CERK: variants seen among roughly 807,000 people sequenced by gnomAD.
The protein encoded by CERK is ceramide kinase, also known as acylsphingosine kinase.
A neutral mutation model predicts 63.4 loss-of-function variants in CERK; 39 were observed. The observed-to-expected ratio is 0.61, with a 90% CI of 0.48 to 0.80. The LOEUF (loss-of-function observed/expected upper bound fraction) is 0.80. Ranked by LOEUF, CERK falls within the 30% of genes least tolerant of loss-of-function variation. The pLI is 0.00. For synonymous variants in CERK, 302 were observed against 280.0 expected (o/e 1.08, Z -0.78); for missense variants, 670 against 714.1 (o/e 0.94, Z 0.70).
chr22:46,692,836 C>T (rs567350663), intron 10 of CERK, among the ~76,000 whole-genome samples: 7 of 134,014 alleles, frequency 5.2e-5, no homozygotes, highest in East Asian at 2.4e-4. Flanking sequence ...ACTCGGGAGG[C>T]GGAGGTTGCA....
intron 1 of CERK, among the ~76,000 whole-genome samples, chr22:46,730,976 G>A (rs2082942563): frequency 2.0e-5 from 3 of 152,342 alleles, no homozygotes; most frequent in Admixed American, 1.3e-4. Context: ...AGAAAAAAAC[G>A]GGCCCAGCCC....
intron 1 of CERK, chr22:46,735,566 C>T (rs1401036623): frequency 1.3e-5 from 2 of 152,232 alleles, no homozygotes; most frequent in African/African-American, 4.8e-5. Flanking sequence ...AGGGCACACA[C>T]AGTGGCCTTG....
chr22:46,713,294 G>C (rs2082850797), intron 3 of CERK, among the ~76,000 whole-genome samples: 1 of 151,434 alleles, frequency 6.6e-6, no homozygotes, highest in African/African-American at 2.4e-5. Flanking sequence ...CACGAGGTCA[G>C]GAGATCGGGA....
chr22:46,711,186 C>T, intron 4 of CERK, 37 bp from the exon 5 acceptor site: 1 of 1,485,566 alleles, frequency 6.7e-7, no homozygotes. Context: ...TTTATATTCA[C>T]ATCTGTGAGT....
chr22:46,734,065 T>TAC (rs754732157), intron 1 of CERK, among the ~76,000 whole-genome samples: 11 of 94,212 alleles, frequency 1.2e-4, no homozygotes, highest in African/African-American at 1.8e-4. Flanking sequence ...TATACATACA[T>TAC]ACATATATAT....
chr22:46,687,103 T>C lies in CERK; in HGVS notation c.*31A>G. The C allele has an allele frequency of 6.3e-7, 1 of 1,588,354 alleles. No homozygotes were observed. The highest frequency in any genetic ancestry group is 8.6e-7 in the Non-Finnish European group (1 of 1,156,568). On this transcript the variant is annotated 3_prime_UTR_variant, in exon 13 of 13. Coordinates refer to ENST00000216264, the MANE Select transcript of CERK (RefSeq NM_022766.6). ...TAATTATCTTAAATAGTTTTCACACTTTCCCAGTTTGTGAGCAGGACGCCG... is the reference window on the plus strand; with the variant it reads ...TAATTATCTTAAATAGTTTTCACACCTTCCCAGTTTGTGAGCAGGACGCCG...
intron 1 of CERK, among the ~76,000 whole-genome samples, chr22:46,722,557 T>C (rs1438835887): frequency 1.6e-5 from 1 of 63,300 alleles, no homozygotes. Flanking sequence ...GCCTCCCATC[T>C]TTTTTTTTTT....
intron 6 of CERK, 67 bp from the exon 7 acceptor site, chr22:46,701,777 A>C (rs1188315449): frequency 6.9e-6 from 8 of 1,157,008 alleles, no homozygotes; most frequent in Non-Finnish European, 1.0e-5. Context: ...CTCCCAATTC[A>C]GTGAGTGGTA....
intron 12 of CERK, among the ~76,000 whole-genome samples, chr22:46,689,578 T>A (rs533789749): frequency 1.3e-5 from 2 of 152,260 alleles, no homozygotes; most frequent in Admixed American, 1.3e-4. Context: ...TTCACCATGT[T>A]GGCGAGGCTG....
chr22:46,702,183 A>T (rs2082788497), intron 6 of CERK, among the ~76,000 whole-genome samples: 1 of 149,456 alleles, frequency 6.7e-6, no homozygotes, highest in Non-Finnish European at 1.5e-5. Context: ...GTCTCAAAAA[A>T]AAAAAAAAAA....
intron 1 of CERK, among the ~76,000 whole-genome samples, chr22:46,736,547 G>A (rs916275566): frequency 1.3e-5 from 2 of 152,232 alleles, no homozygotes; most frequent in African/African-American, 4.8e-5. Flanking sequence ...GAAGCCTAGG[G>A]ATTTACAACA....
At chr22:46,721,479 C>A (rs2082892415) in intron 1 of CERK, among the ~76,000 whole-genome samples, 1 of 151,922 alleles carries the variant, frequency 6.6e-6, no homozygotes. Context: ...TTTAAACTCA[C>A]AAATAAATAA....
chr22:46,702,611 G>C (rs1601715111), intron 6 of CERK, among the ~76,000 whole-genome samples: 1 of 152,210 alleles, frequency 6.6e-6, no homozygotes, highest in African/African-American at 2.4e-5. Context: ...TGAAACAGCT[G>C]GATGCGGCAA....
At chr22:46,703,338 C>T (rs1330044112) in intron 6 of CERK, among the ~76,000 whole-genome samples, 1 of 152,118 alleles carries the variant, frequency 6.6e-6, no homozygotes, top group African/African-American at 2.4e-5. Flanking sequence ...ACCCCAACCC[C>T]CACCTGCCCC....
rs2082703570 is a variant in CERK at position 46,686,773 on chromosome 22, T to C, written c.*361A>G. ...GACCCACTGCTACCTCAGGCCCAGA[T>C]GGTGTGACCTGCGTGGAAATCATAT... On this transcript the variant is annotated 3_prime_UTR_variant, in exon 13 of 13. Transcript: ENST00000216264. 1 of 214,316 alleles carries C rather than the reference T, an allele frequency of 4.7e-6. No individual in the cohort carries two copies. The allele number at this position is 214,316 out of a possible 1,614,324, so 13.3% of individuals were successfully genotyped here.
rs137906850 is a variant in CERK at position 46,722,477 on chromosome 22, C to G, written c.143-1462G>C. 1.7e-3 allele frequency among the ~76,000 whole-genome samples: 261 copies of G among 151,754 alleles called. 3 individuals are homozygous for G. In the East Asian group the frequency reaches 0.029, roughly 17 times the overall value. On this transcript the variant is annotated intron_variant, in intron 1 of 12. Transcript: ENST00000216264. ...CTCAGGAGGTGTCTGTGTGCATCCT[C>G]CTCCTGGGTATAGGATGTGGGGTCC...
chr22:46,706,666 A>G (rs1272514762), intron 6 of CERK, among the ~76,000 whole-genome samples: 1 of 152,206 alleles, frequency 6.6e-6, no homozygotes, highest in Non-Finnish European at 1.5e-5. Flanking sequence ...GCCAAAGGGA[A>G]GGGATCGTAA....
intron 1 of CERK, among the ~76,000 whole-genome samples, chr22:46,735,904 G>A (rs1002353541): frequency 2.0e-5 from 3 of 152,224 alleles, no homozygotes; most frequent in Non-Finnish European, 4.4e-5. Flanking sequence ...CAGTGTGGCT[G>A]TATTCCTGAA....
chr22:46,695,334 G>T lies in CERK; in HGVS notation c.944-19C>A. 7.1e-7 allele frequency: 1 copy of T among 1,413,976 alleles called. No homozygotes were observed. The highest frequency in any genetic ancestry group is 1.0e-6 in the Non-Finnish European group (1 of 997,576). 87.6% of individuals were successfully genotyped at this position (1,413,976 alleles called of 1,614,324 possible). Reference sequence around the variant, plus strand: ...TTTAAACCTGGGAACAGAGTGCAGTGAAGAAAAAACATCCACAAGGGTCAT... The same window carrying T: ...TTTAAACCTGGGAACAGAGTGCAGTTAAGAAAAAACATCCACAAGGGTCAT... On this transcript the variant is annotated intron_variant, in intron 8 of 12. Coordinates refer to ENST00000216264, the MANE Select transcript of CERK (RefSeq NM_022766.6).
Sources: gnomAD v4.1 joint callset for allele counts (sites outside exome capture counted in the v4.1 genomes callset) on GRCh38, gnomAD v4.1.1 for gene constraint, MANE v1.5 for transcripts, NCBI Gene and HGNC (gene_info 2026-07-23, HGNC 2026-07-21) for gene names.